Variants in PLD2 observed in about 807,000 individuals in gnomAD.
PLD2 encodes phospholipase D2, also known as choline phosphatase 2.
A neutral mutation model predicts 119.8 loss-of-function variants in PLD2; 101 were observed. The observed-to-expected ratio is 0.84, with a 90% CI of 0.72 to 0.99. PLD2 has a LOEUF of 0.99. Among genes scored for constraint, PLD2 ranks in the 50% least tolerant of loss-of-function variants. PLD2 has a pLI of 0.00. For missense variants in PLD2, 1,164 were observed against 1,226.8 expected (o/e 0.95, Z 0.76); for synonymous variants, 494 against 482.8 (o/e 1.02, Z -0.30).
Position 4,819,154 on chromosome 17 carries a change from C to T in PLD2, c.2244C>T (p.Pro748=), listed in dbSNP as rs746664729. 37 of 1,614,016 alleles carry T rather than the reference C, an allele frequency of 2.3e-5. No homozygotes were observed. Among genetic ancestry groups the T allele is most frequent in the South Asian group, 4.4e-5 (4 of 91,086 alleles). ...CACACGGAGAGCTGGGCGGGCACCCCGTCTCGGAGCTCATCTACATCCACA... is the reference window on the plus strand; with the variant it reads ...CACACGGAGAGCTGGGCGGGCACCCTGTCTCGGAGCTCATCTACATCCACA... ...LRTHGELGGH[P]VSELIYIHSK... Residue 748 remains proline, a synonymous_variant, in exon 22 of 25, where the codon CCC becomes CCT. Coordinates refer to ENST00000263088, the MANE Select transcript of PLD2 (RefSeq NM_002663.5). This position sits in a 1 kb window ranked among gnomAD's most constrained non-coding sequence, Gnocchi z 4.2.
Position 4,823,113 on chromosome 17 carries a change from T to G in PLD2, c.*249T>G. 2.2e-6 allele frequency: 1 copy of G among 460,992 alleles called. No individual in the cohort carries two copies. The allele number at this position is 460,992 out of a possible 1,614,324, so 28.6% of individuals were successfully genotyped here. A position where few individuals can be genotyped will look rare whatever the true frequency, so the allele number is the denominator to read the frequency against. ...CCCCCTGCTGCCCAGTGCAAACCAC[T>G]TCTCCATGCTGCAAAGGAGAAGCAC... On this transcript the variant is annotated 3_prime_UTR_variant, in exon 25 of 25. Transcript: ENST00000263088.
chr17:4,820,464 C>T (rs1391825309), intron 23 of PLD2, among the ~76,000 whole-genome samples: 2 of 146,948 alleles, frequency 1.4e-5, no homozygotes, highest in Admixed American at 1.4e-4. Context: ...GACAGGGTTT[C>T]GCTGTGTTGG....
Position 4,819,492 on chromosome 17 carries a change from T to A in PLD2, c.2372T>A (p.Ile791Asn). The A allele has an allele frequency of 1.2e-6, 2 of 1,613,990 alleles. No individual in the cohort carries two copies. Among genetic ancestry groups the A allele is most frequent in the Non-Finnish European group, 1.7e-6 (2 of 1,180,002 alleles). ...GKRDSELAVL[I>N]EDTETEPSLM... is the part of the protein sequence containing the mutation. Reference sequence around the variant, plus strand: ...CGGGACAGTGAGCTGGCCGTGCTGATCGAGGACACAGAGACGGAACCATCC... The same window carrying A: ...CGGGACAGTGAGCTGGCCGTGCTGAACGAGGACACAGAGACGGAACCATCC... The change falls in exon 23 of 25, where the codon ATC (isoleucine) becomes AAC (asparagine). Residue 791 changes from isoleucine (I) to asparagine (N), a missense_variant. Physicochemically the swap from Ile to Asn is moderately radical, Grantham distance 149. Coordinates refer to ENST00000263088, the MANE Select transcript of PLD2 (RefSeq NM_002663.5). The surrounding 1 kb of genome is among the most constrained non-coding windows in gnomAD (Gnocchi z 4.2).
rs144315377 is a variant in PLD2, at chr17:4,822,709, C to G, written c.2647C>G (p.Pro883Ala). The change falls in exon 25 of 25, where the codon CCC becomes GCC. Residue 883 changes from proline to alanine, a missense_variant. By Grantham distance (27) the Pro-to-Ala change is conservative. Coordinates refer to ENST00000263088, the MANE Select transcript of PLD2 (RefSeq NM_002663.5). ...TCTCCGGGAGTACGTGGCCGTGGAG[C>G]CCTTGGCCACGGTCAGTCCCCCCTT... ...RTLREYVAVE[P>A]LATVSPPLAR... is the part of the protein sequence containing the mutation. 1 of 1,613,900 alleles carries G rather than the reference C, an allele frequency of 6.2e-7. No individual in the cohort carries two copies. The highest frequency in any genetic ancestry group is 1.3e-5 in the African/African-American group (1 of 74,930).
In PLD2 at chr17:4,809,860, G is replaced by A. The variant is rs1567525232; in HGVS notation, c.708-17G>A. 1 of 1,614,176 alleles carries A rather than the reference G, an allele frequency of 6.2e-7. No homozygotes were observed. The highest frequency in any genetic ancestry group is 8.5e-7 in the Non-Finnish European group (1 of 1,180,016). The stretch of plus-strand genomic sequence containing the variant: ...TTTTGAGGGCAGAGAGGAACACACG[G>A]AGCCCTTCTGCTCTAGGTGGCTGGT... On this transcript the variant is annotated splice_polypyrimidine_tract_variant and intron_variant, in intron 8 of 24. Coordinates refer to ENST00000263088, the MANE Select transcript of PLD2 (RefSeq NM_002663.5).
intron 18 of PLD2, 64 bp downstream of exon 18, chr17:4,818,170 T>A: frequency 2.1e-6 from 3 of 1,424,790 alleles, no homozygotes; most frequent in Non-Finnish European, 3.0e-6. Flanking sequence ...ACCTGGGGAA[T>A]GAGTGGAGTC....
At chr17:4,812,130 T>C (rs1244701569) in intron 10 of PLD2, among the ~76,000 whole-genome samples, 2 of 151,516 alleles carry the variant, frequency 1.3e-5, no homozygotes, top group East Asian at 3.9e-4. Context: ...ACTTTTTTTT[T>C]TTTAAGGCAG....
rs1485204686 is a variant in PLD2, at chr17:4,807,539, C to A, written c.-1-233C>A. The A allele has an allele frequency of 8.1e-6, 3 of 370,826 alleles. No individual in the cohort carries two copies. The highest frequency in any genetic ancestry group is 1.5e-5 in the Non-Finnish European group (3 of 198,860). 23.0% of individuals were successfully genotyped at this position (370,826 alleles called of 1,614,324 possible). ...GTTCCCCGGGGCTCTGGTTACGGGA[C>A]GGGGCGGGGGGCGGGGGGCGGGACT... On this transcript the variant is annotated intron_variant, in intron 1 of 24. Transcript: ENST00000263088. The surrounding 1 kb of genome is among the most constrained non-coding windows in gnomAD (Gnocchi z 5.4).
chr17:4,808,613 G>C lies in PLD2; in HGVS notation c.383+197G>C, dbSNP rs1057188324. Reference sequence around the variant, plus strand: ...TCTGTGCCAGCATCTCAGCTGGGCGGGATGCCCAAAATGCTCTTGGCAGCC... The same window carrying C: ...TCTGTGCCAGCATCTCAGCTGGGCGCGATGCCCAAAATGCTCTTGGCAGCC... On this transcript the variant is annotated intron_variant, in intron 4 of 24. Coordinates refer to ENST00000263088, the MANE Select transcript of PLD2 (RefSeq NM_002663.5). The surrounding 1 kb of genome is among the most constrained non-coding windows in gnomAD (Gnocchi z 4.1). 6.6e-6 allele frequency among the ~76,000 whole-genome samples: 1 copy of C among 152,120 alleles called. No homozygotes were observed. Among genetic ancestry groups the C allele is most frequent in the African/African-American group, 2.4e-5 (1 of 41,426 alleles).
In PLD2 at chr17:4,819,815, T is replaced by C. The variant is rs905331789; in HGVS notation, c.2462+233T>C. Reference sequence around the variant, plus strand: ...GATTTTGAGACCAGCCTGGCTAACATAGTGAAACCCGTCTCTACTAAAAAT... The same window carrying C: ...GATTTTGAGACCAGCCTGGCTAACACAGTGAAACCCGTCTCTACTAAAAAT... On this transcript the variant is annotated intron_variant, in intron 23 of 24. Transcript: ENST00000263088. The surrounding 1 kb of genome is among the most constrained non-coding windows in gnomAD (Gnocchi z 4.2). 6.6e-6 allele frequency among the ~76,000 whole-genome samples: 1 copy of C among 152,126 alleles called. No individual in the cohort carries two copies. The highest frequency in any genetic ancestry group is 2.4e-5 in the African/African-American group (1 of 41,504).
At chr17:4,818,208 C>A in intron 18 of PLD2, 89 bp from the exon 19 acceptor site, 1 of 1,426,530 alleles carries the variant, frequency 7.0e-7, no homozygotes, top group Admixed American at 1.7e-5. Flanking sequence ...GGAGCAGAAG[C>A]AGACGCCTGG....
rs1455222825 is a variant in PLD2 at position 4,818,608 on chromosome 17, G to A, written c.2123+1G>A. The A allele has an allele frequency of 2.5e-6, 4 of 1,608,418 alleles. No homozygotes were observed. The African/African-American group carries it at 4.0e-5, about 16-fold the overall frequency. On this transcript the variant is annotated splice_donor_variant, in intron 20 of 24. Transcript: ENST00000263088. LOFTEE classifies it high-confidence loss of function. ...AGGCCATTCTGCACTTTACTTACAG[G>A]TGACCCCCCAGGCGGACTCCAGCTC... is the stretch of plus-strand genomic sequence containing the variant.
chr17:4,810,945 C>T lies in PLD2; in HGVS notation c.1004C>T (p.Ala335Val), dbSNP rs1193932160. 2.5e-6 allele frequency: 4 copies of T among 1,609,264 alleles called. No individual in the cohort carries two copies. The highest frequency in any genetic ancestry group is 1.7e-5 in the Admixed American group (1 of 59,666). ...GCCCCACCCCGGCCTGGGACCTTGG[C>T]CCGGTGGTGAGACACTGACATCCCT... ...SYAPPRPGTLARWFVNGAGYF... is the reference protein window; with the variant it reads ...SYAPPRPGTLVRWFVNGAGYF... The change falls in exon 10 of 25, where the codon GCC becomes GTC. Residue 335 changes from alanine to valine, a missense_variant. By Grantham distance (64) the Ala-to-Val change is moderately conservative. Coordinates refer to ENST00000263088, the MANE Select transcript of PLD2 (RefSeq NM_002663.5).
At position 4,808,446 on chromosome 17, in the gene PLD2, G is replaced by A. The variant is rs1462770741; in HGVS notation, c.383+30G>A. 1 of 1,604,466 alleles carries A rather than the reference G, an allele frequency of 6.2e-7. No individual in the cohort carries two copies. The highest frequency in any genetic ancestry group is 2.2e-5 in the East Asian group (1 of 44,790). ...GGGCGACCGGACTGCTTCCTGTAGA[G>A]GGCAGGTGCTCCCCACCCTCCTTTC... On this transcript the variant is annotated intron_variant, in intron 4 of 24. Coordinates refer to ENST00000263088, the MANE Select transcript of PLD2 (RefSeq NM_002663.5). This position sits in a 1 kb window ranked among gnomAD's most constrained non-coding sequence, Gnocchi z 4.1.
rs1380836555 is a variant in PLD2, at chr17:4,807,837, TGG to T, written c.66_67del (p.Met22IlefsTer4). On this transcript the variant is annotated frameshift_variant, in exon 2 of 25. Coordinates refer to ENST00000263088, the MANE Select transcript of PLD2 (RefSeq NM_002663.5). LOFTEE classifies it high-confidence loss of function. This position sits in a 1 kb window ranked among gnomAD's most constrained non-coding sequence, Gnocchi z 5.4. The stretch of plus-strand genomic sequence containing the variant: ...GAACTGGACTCCAGCCAGCTCCAGA[TGG>T]AGTCCGATGAGGTGGACACCCTGAA... The T allele has an allele frequency of 6.2e-7, 1 of 1,612,804 alleles. No homozygotes were observed. Among genetic ancestry groups the T allele is most frequent in the Admixed American group, 1.7e-5 (1 of 59,932 alleles).
At chr17:4,816,276 G>A (rs1385260699) in intron 14 of PLD2, among the ~76,000 whole-genome samples, 3 of 151,884 alleles carry the variant, frequency 2.0e-5, no homozygotes, top group Non-Finnish European at 4.4e-5. Context: ...GAAGCTACTC[G>A]GGAGGCTGAG....
chr17:4,814,643 G>A lies in PLD2; in HGVS notation c.1105G>A (p.Glu369Lys). ...IFITDWWLSP[E>K]VYLKRPAHSD... Reference sequence around the variant, plus strand: ...TGCCCTGAATCCCAGGTTGAGTCCTGAGGTTTACCTGAAGCGTCCGGCCCA... The same window carrying A: ...TGCCCTGAATCCCAGGTTGAGTCCTAAGGTTTACCTGAAGCGTCCGGCCCA... Residue 369 changes from glutamate (E) to lysine (K), a missense_variant, in exon 12 of 25, where the codon GAG (glutamate) becomes AAG (lysine). Glu to Lys is a moderately conservative substitution (Grantham distance 56). Transcript: ENST00000263088. 6.2e-7 allele frequency: 1 copy of A among 1,614,156 alleles called. No homozygotes were observed. Among genetic ancestry groups the A allele is most frequent in the Non-Finnish European group, 8.5e-7 (1 of 1,180,038 alleles).
At position 4,818,384 on chromosome 17, in the gene PLD2, A is replaced by G; in HGVS notation, c.2008A>G (p.Lys670Glu). Reference protein sequence around the residue: ...EIVDRILKAHKQGWCYRVYVL... With the variant: ...EIVDRILKAHEQGWCYRVYVL... The stretch of plus-strand genomic sequence containing the variant: ...TGTGGACAGAATCCTGAAGGCCCAC[A>G]AGTAAGGTGGACTGTCAGGAAGGTG... The change falls in exon 19 of 25, where the codon AAA becomes GAA. Residue 670 changes from lysine (K) to glutamate (E), a missense_variant and splice_region_variant. Transcript: ENST00000263088. 6.2e-7 allele frequency: 1 copy of G among 1,613,944 alleles called. No homozygotes were observed. The highest frequency in any genetic ancestry group is 8.5e-7 in the Non-Finnish European group (1 of 1,179,818).
chr17:4,814,280 A>C (rs1906750701), intron 10 of PLD2, 138 bp from the exon 11 acceptor site: 283 of 1,367,522 alleles, frequency 2.1e-4, no homozygotes, highest in Non-Finnish European at 2.5e-4. Flanking sequence ...GATGTGTCTG[A>C]TACCACTTGT....
Sources: allele counts gnomAD v4.1 joint callset (sites outside exome capture counted in the v4.1 genomes callset), GRCh38; gene constraint gnomAD v4.1.1; non-coding constraint Gnocchi (gnomAD v3.1); transcripts MANE v1.5; gene names NCBI Gene and HGNC (gene_info 2026-07-23, HGNC 2026-07-21).